Variants in GRXCR2 observed in about 807,000 individuals in gnomAD.
The protein encoded by GRXCR2 is glutaredoxin domain-containing cysteine-rich protein 2.
Under a neutral mutation model 24.8 loss-of-function variants are expected in GRXCR2, and 23 were observed. The ratio of observed to expected loss-of-function variants is 0.93; its 90% confidence interval spans 0.67 to 1.32. GRXCR2 has a LOEUF of 1.32. Among genes scored for constraint, GRXCR2 ranks in the 40% most tolerant of loss-of-function variants. The probability of loss-of-function intolerance (pLI) is 0.00; values close to 1 mark genes in which losing one functional copy is unlikely to be tolerated. For synonymous variants in GRXCR2, 130 were observed against 116.1 expected (o/e 1.12, Z -0.77); for missense variants, 315 against 303.4 (o/e 1.04, Z -0.28).
intron 2 of GRXCR2, among the ~76,000 whole-genome samples, chr5:145,899,709 G>A (rs417912): frequency 0.08 from 12,120 of 152,080 alleles, 1,098 homozygotes; most frequent in African/African-American, 0.22. Context: ...TGCTAGCCAT[G>A]TGCAGAAGAA....
chr5:145,868,646 A>T (rs1005627358), intron 1 of GRXCR2, among the ~76,000 whole-genome samples: 3 of 152,154 alleles, frequency 2.0e-5, no homozygotes, highest in Non-Finnish European at 4.4e-5. Flanking sequence ...GTTACTAGGA[A>T]GCTTTTCATC....
intron 2 of GRXCR2, among the ~76,000 whole-genome samples, chr5:145,889,155 C>A (rs114124349): frequency 8.2e-6 from 1 of 121,992 alleles, no homozygotes; most frequent in African/African-American, 3.1e-5. Context: ...GGTGACAGAC[C>A]GAGACTCTGT....
At chr5:145,870,773 A>G (rs1162738414) in intron 1 of GRXCR2, among the ~76,000 whole-genome samples, 1 of 152,184 alleles carries the variant, frequency 6.6e-6, no homozygotes, top group Non-Finnish European at 1.5e-5. Flanking sequence ...TCTCATGCTC[A>G]GAATCTGGCT....
chr5:145,914,882 C>A (rs988432801), intron 2 of GRXCR2, among the ~76,000 whole-genome samples: 1 of 152,092 alleles, frequency 6.6e-6, no homozygotes, highest in African/African-American at 2.4e-5. Flanking sequence ...GGCCACCCGA[C>A]AATGGAGCTT....
intron 2 of GRXCR2, among the ~76,000 whole-genome samples, chr5:145,896,522 A>G (rs1029680234): frequency 6.6e-6 from 1 of 152,250 alleles, no homozygotes; most frequent in African/African-American, 2.4e-5. Context: ...GCCAAAAGGC[A>G]CATGAAAAAA....
At chr5:145,874,637 T>C (rs551340323), upstream of GRXCR2, among the ~76,000 whole-genome samples, 2 of 152,324 alleles carry the variant, frequency 1.3e-5, no homozygotes, top group Non-Finnish European at 2.9e-5. Context: ...CCCAATTCCA[T>C]TCTCCATATT....
chr5:145,925,809 T>C (rs530567748), intron 2 of GRXCR2, among the ~76,000 whole-genome samples: 3 of 152,204 alleles, frequency 2.0e-5, no homozygotes, highest in Admixed American at 6.6e-5. Context: ...CAGTCAGTTA[T>C]AGAAAATCAT....
intron 2 of GRXCR2, among the ~76,000 whole-genome samples, chr5:145,916,606 A>C (rs1757244758): frequency 6.6e-6 from 1 of 152,216 alleles, no homozygotes; most frequent in Admixed American, 6.5e-5. Context: ...AAAATACTTC[A>C]GAGACAGATC....
chr5:145,863,783 G>A (rs914368567), intron 2 of GRXCR2, among the ~76,000 whole-genome samples: 1 of 152,114 alleles, frequency 6.6e-6, no homozygotes, highest in Non-Finnish European at 1.5e-5. Flanking sequence ...TACCACACCC[G>A]GCCCAGGCTA....
intron 2 of GRXCR2, among the ~76,000 whole-genome samples, chr5:145,888,415 G>A (rs73308169): frequency 0.016 from 2,468 of 152,220 alleles, 62 homozygotes; most frequent in African/African-American, 0.055. Context: ...AGTAGGGATC[G>A]GGCCAAGTGG....
At chr5:145,904,206 A>G (rs955257641) in intron 2 of GRXCR2, among the ~76,000 whole-genome samples, 1 of 152,172 alleles carries the variant, frequency 6.6e-6, no homozygotes, top group Non-Finnish European at 1.5e-5. Context: ...CCCAGGGCAG[A>G]CACTAGGAAA....
intron 2 of GRXCR2, among the ~76,000 whole-genome samples, chr5:145,912,927 G>GT: frequency 6.6e-6 from 1 of 152,216 alleles, no homozygotes; most frequent in Non-Finnish European, 1.5e-5. Context: ...CCATTGAAAG[G>GT]TTTTAAGGAG....
chr5:145,900,672 T>A (rs1217558217), intron 2 of GRXCR2, among the ~76,000 whole-genome samples: 2 of 152,202 alleles, frequency 1.3e-5, no homozygotes, highest in African/African-American at 4.8e-5. Context: ...GAAAAGGGAA[T>A]GCTTATACAC....
At chr5:145,862,024 G>A (rs1756347806) in intron 2 of GRXCR2, among the ~76,000 whole-genome samples, 1 of 152,106 alleles carries the variant, frequency 6.6e-6, no homozygotes, top group African/African-American at 2.4e-5. Flanking sequence ...TGGAGAATTT[G>A]TTTTCTTAAA....
At position 145,890,206 on chromosome 5, in the gene GRXCR2, C is replaced by A. The variant is rs1213669621; in HGVS notation, c.-69-23478G>T. Reference sequence around the variant, plus strand: ...CAGGTTCAAGCATTTCTCCTGCCCTCAACCTCCTGAATACCTGGGATTACA... The same window carrying A: ...CAGGTTCAAGCATTTCTCCTGCCCTAAACCTCCTGAATACCTGGGATTACA... On this transcript the variant is annotated intron_variant, in intron 2 of 3. Transcript: ENST00000639411. 3.3e-5 allele frequency among the ~76,000 whole-genome samples: 5 copies of A among 152,336 alleles called. No homozygotes were observed. In the East Asian group the frequency reaches 9.7e-4, roughly 29 times the overall value.
intron 2 of GRXCR2, among the ~76,000 whole-genome samples, chr5:145,911,052 A>C (rs1757159502): frequency 6.6e-6 from 1 of 152,150 alleles, no homozygotes. Context: ...ATTTTTAAAA[A>C]GGGGTTATAT....
upstream of GRXCR2, among the ~76,000 whole-genome samples, chr5:145,875,061 C>G (rs1756591413): frequency 6.6e-6 from 1 of 152,198 alleles, no homozygotes; most frequent in Admixed American, 6.5e-5. Flanking sequence ...TTCCCTTGCC[C>G]TTCCTATTTT....
intron 2 of GRXCR2, among the ~76,000 whole-genome samples, chr5:145,918,105 CAGA>C (rs1757265947): frequency 6.6e-6 from 1 of 152,178 alleles, no homozygotes; most frequent in South Asian, 2.1e-4. Context: ...CTCATTACTT[CAGA>C]AGAAGGGAAT....
intron 2 of GRXCR2, among the ~76,000 whole-genome samples, chr5:145,919,996 T>C (rs1369353710): frequency 3.9e-5 from 6 of 152,170 alleles, no homozygotes; most frequent in Admixed American, 1.3e-4. Context: ...CTGATTCCTG[T>C]ACTTGGGTCA....
Sources: allele counts gnomAD v4.1 joint callset (sites outside exome capture counted in the v4.1 genomes callset), GRCh38; gene constraint gnomAD v4.1.1; transcripts MANE v1.5; gene names NCBI Gene and HGNC (gene_info 2026-07-23, HGNC 2026-07-21).